The following ALYREF variants were observed in gnomAD, a reference collection of about 807,000 sequenced individuals.
ALYREF encodes Aly/REF export factor.
A neutral mutation model predicts 25.2 loss-of-function variants in ALYREF; 1 was observed. The ratio of observed to expected loss-of-function variants is 0.04; its 90% CI spans 0.01 to 0.19. The LOEUF is 0.19. ALYREF is among the 10% of genes least tolerant of loss of function. The probability of loss-of-function intolerance (pLI) is 1.00; values close to 1 mark genes in which losing one functional copy is unlikely to be tolerated. For synonymous variants in ALYREF, 193 were observed against 153.5 expected, an observed-to-expected ratio of 1.26 and a Z score of -1.90; for missense variants, 328 against 375.6, an observed-to-expected ratio of 0.87 and a Z score of 1.05.
In ALYREF at chr17:81,888,372, C is replaced by CAAA. The variant is rs1220921119; in HGVS notation, c.646_648dup (p.Phe216dup). 7.5e-6 allele frequency: 12 copies of CAAA among 1,602,516 alleles called. No homozygotes were observed. In the South Asian group the frequency reaches 1.1e-4, roughly 15 times the overall value. ...CCTCTCCGGGTGCCTCCACCACCACCAAAACCTCCAGCGCCACGGTTTCTA... is the reference window on the plus strand; with the variant it reads ...CCTCTCCGGGTGCCTCCACCACCACCAAAAAAACCTCCAGCGCCACGGTTTCTA... On this transcript the variant is annotated inframe_insertion, in exon 5 of 6. Transcript: ENST00000505490. This position sits in a 1 kb window ranked among gnomAD's most constrained non-coding sequence, Gnocchi z 5.8.
In ALYREF at chr17:81,888,942, G is replaced by T; in HGVS notation, c.538+240C>A. ...ATGGCGGTTCTGAGAAGGCTTCACA[G>T]AAGTGAATCTTCCGGAAGGAGCTGA... On this transcript the variant is annotated intron_variant, in intron 3 of 5. Coordinates refer to ENST00000505490, the MANE Select transcript of ALYREF (RefSeq NM_005782.4). This position sits in a 1 kb window ranked among gnomAD's most constrained non-coding sequence, Gnocchi z 5.8. The T allele has an allele frequency of 7.1e-7, 1 of 1,415,648 alleles. No homozygotes were observed. 87.7% of individuals were successfully genotyped at this position (1,415,648 alleles called of 1,614,324 possible). A position where few individuals can be genotyped will look rare whatever the true frequency, so the allele number is the denominator to read the frequency against.
chr17:81,890,971 C>A, intron 1 of ALYREF, 151 bp from the exon 2 acceptor site: 1 of 1,231,412 alleles, frequency 8.1e-7, no homozygotes, highest in Non-Finnish European at 1.1e-6. Flanking sequence ...CTGCAGCTGC[C>A]CCAGCCCGAG....
intron 2 of ALYREF, among the ~76,000 whole-genome samples, chr17:81,890,223 T>A (rs981271883): frequency 2.0e-5 from 3 of 152,040 alleles, no homozygotes; most frequent in African/African-American, 7.2e-5. Flanking sequence ...TGGGGAGTGA[T>A]AAAACCACAG....
intron 2 of ALYREF, 80 bp from the exon 3 acceptor site, chr17:81,889,409 CG>C: frequency 6.5e-7 from 1 of 1,531,736 alleles, no homozygotes; most frequent in Non-Finnish European, 9.0e-7. Context: ...GCCCTGGAAG[CG>C]TGAGTTGCTT....
intron 2 of ALYREF, among the ~76,000 whole-genome samples, chr17:81,890,318 G>A (rs1435554107): frequency 1.3e-5 from 2 of 152,134 alleles, no homozygotes; most frequent in Non-Finnish European, 2.9e-5. Context: ...ACATAAAGAA[G>A]ATTCTTTTTC....
intron 1 of ALYREF, 31 bp from the exon 2 acceptor site, chr17:81,890,851 T>A (rs1338086584): frequency 9.3e-6 from 15 of 1,613,812 alleles, no homozygotes; most frequent in Non-Finnish European, 1.3e-5. Context: ...AGAGCAGATC[T>A]GTGAGTCTCA....
Position 81,888,887 on chromosome 17 carries a change from C to T in ALYREF, c.538+295G>A, listed in dbSNP as rs919509602. The T allele has an allele frequency of 1.2e-5, 17 of 1,405,986 alleles. No homozygotes were observed. Among genetic ancestry groups the T allele is most frequent in the Non-Finnish European group, 1.6e-5 (17 of 1,081,712 alleles). The allele number at this position is 1,405,986 out of a possible 1,614,324, so 87.1% of individuals were successfully genotyped here. On this transcript the variant is annotated intron_variant, in intron 3 of 5. Coordinates refer to ENST00000505490, the MANE Select transcript of ALYREF (RefSeq NM_005782.4). This position sits in a 1 kb window ranked among gnomAD's most constrained non-coding sequence, Gnocchi z 5.8. ...AGAAGAACCGGTACCTTTGTCTTTA[C>T]GACTACAGCCCCGCACTCAGAGGTG...
In ALYREF at chr17:81,889,548, T is replaced by C. The variant is rs890639218; in HGVS notation, c.391-219A>G. 2.0e-5 allele frequency among the ~76,000 whole-genome samples: 3 copies of C among 152,170 alleles called. No individual in the cohort carries two copies. In the South Asian group the frequency reaches 6.2e-4, roughly 32 times the overall value. Reference sequence around the variant, plus strand: ...CCTGCCATTGTGGGGACCTGACACGTGTACCACGATGCAGGTAGAGGAAGC... The same window carrying C: ...CCTGCCATTGTGGGGACCTGACACGCGTACCACGATGCAGGTAGAGGAAGC... On this transcript the variant is annotated intron_variant, in intron 2 of 5. Coordinates refer to ENST00000505490, the MANE Select transcript of ALYREF (RefSeq NM_005782.4).
At position 81,888,923 on chromosome 17, in the gene ALYREF, G is replaced by T; in HGVS notation, c.538+259C>A. The T allele has an allele frequency of 7.1e-7, 1 of 1,412,198 alleles. No individual in the cohort carries two copies. The allele number at this position is 1,412,198 out of a possible 1,614,324, so 87.5% of individuals were successfully genotyped here. A position where few individuals can be genotyped will look rare whatever the true frequency, so the allele number is the denominator to read the frequency against. The stretch of plus-strand genomic sequence containing the variant: ...CCGCACTCAGAGGTGTACTATGGCG[G>T]TTCTGAGAAGGCTTCACAGAAGTGA... On this transcript the variant is annotated intron_variant, in intron 3 of 5. Coordinates refer to ENST00000505490, the MANE Select transcript of ALYREF (RefSeq NM_005782.4). The surrounding 1 kb of genome is among the most constrained non-coding windows in gnomAD (Gnocchi z 5.8).
At position 81,891,570 on chromosome 17, in the gene ALYREF, G is replaced by A; in HGVS notation, c.11C>T (p.Ser4Phe). The part of the protein sequence containing the change: MPD[S>F]APAMADKMDM... Reference sequence around the variant, plus strand: ...CATTTTGTCGGCCATGGCGGGCGCGGAATCGGGCATCGGCTCGAGCCCGCG... The same window carrying A: ...CATTTTGTCGGCCATGGCGGGCGCGAAATCGGGCATCGGCTCGAGCCCGCG... The change falls in exon 1 of 6, where the codon TCC (serine) becomes TTC (phenylalanine). Residue 4 changes from serine to phenylalanine, a missense_variant. Ser to Phe is a radical substitution (Grantham distance 155, BLOSUM62 -2). Coordinates refer to ENST00000505490, the MANE Select transcript of ALYREF (RefSeq NM_005782.4). 1.4e-6 allele frequency: 2 copies of A among 1,439,210 alleles called. No individual in the cohort carries two copies. Among genetic ancestry groups the A allele is most frequent in the Non-Finnish European group, 1.8e-6 (2 of 1,095,330 alleles). The allele number at this position is 1,439,210 out of a possible 1,614,324, so 89.2% of individuals were successfully genotyped here.
chr17:81,887,931 CG>C lies in ALYREF; in HGVS notation c.*199del, dbSNP rs1355063695. 6.9e-6 allele frequency: 4 copies of C among 576,564 alleles called. No individual in the cohort carries two copies. The highest frequency in any genetic ancestry group is 3.1e-5 in the East Asian group (1 of 32,126). The allele number at this position is 576,564 out of a possible 1,614,324, so 35.7% of individuals were successfully genotyped here. On this transcript the variant is annotated 3_prime_UTR_variant, in exon 6 of 6. Transcript: ENST00000505490. ...AGTAAAATTTATCCCAAAAATAACT[CG>C]GTACAAAACAGGTCTGTTTCAGAAT...
chr17:81,890,608 G>A (rs779181882), intron 2 of ALYREF, 81 bp downstream of exon 2: 3 of 1,572,374 alleles, frequency 1.9e-6, no homozygotes, highest in Non-Finnish European at 2.6e-6. Flanking sequence ...AAGGCGGGAA[G>A]GGGACTCAGG....
intron 1 of ALYREF, 109 bp from the exon 2 acceptor site, chr17:81,890,929 C>T: frequency 6.6e-7 from 1 of 1,513,002 alleles, no homozygotes; most frequent in Non-Finnish European, 8.9e-7. Context: ...GAGGATCCGG[C>T]CGAAACGGGG....
chr17:81,889,564 T>C (rs904367043), intron 2 of ALYREF, among the ~76,000 whole-genome samples: 2 of 152,108 alleles, frequency 1.3e-5, no homozygotes, highest in African/African-American at 2.4e-5. Flanking sequence ...ACGATGCAGG[T>C]AGAGGAAGCT....
intron 2 of ALYREF, chr17:81,889,757 TC>T (rs761354822): frequency 2.1e-4 from 35 of 169,152 alleles, no homozygotes; most frequent in Non-Finnish European, 3.5e-4. Context: ...CCCCAGCCCC[TC>T]CCCCAAAGGC....
In ALYREF at chr17:81,888,139, T is replaced by C. The variant is rs1463209588; in HGVS notation, c.787A>G (p.Thr263Ala). 3.7e-6 allele frequency: 6 copies of C among 1,613,994 alleles called. No homozygotes were observed. The highest frequency in any genetic ancestry group is 5.1e-6 in the Non-Finnish European group (6 of 1,180,022). ...CGGATTTGCTGGTCTGTTTAACTGG[T>C]GTCCATCTGAAACACAGAGGAGAAA... ...QLDAYNARMDTS is the reference protein window; with the variant it reads ...QLDAYNARMDAS The change falls in exon 6 of 6, where the codon ACC (threonine) becomes GCC (alanine). Residue 263 changes from threonine (T) to alanine (A), a missense_variant. Physicochemically the swap from Thr to Ala is moderately conservative, Grantham distance 58. This residue lies in a region of ALYREF where 108 missense variants were observed against 110.5 expected (regional missense o/e 0.98). Coordinates refer to ENST00000505490, the MANE Select transcript of ALYREF (RefSeq NM_005782.4). The surrounding 1 kb of genome is among the most constrained non-coding windows in gnomAD (Gnocchi z 5.8).
chr17:81,888,371 C>T lies in ALYREF; in HGVS notation c.650G>A (p.Gly217Asp). ...GCCTCTCCGGGTGCCTCCACCACCA[C>T]CAAAACCTCCAGCGCCACGGTTTCT... ...MTRNRGAGGF[G>D]GGGGTRRGTR... is the part of the protein sequence containing the mutation. The change falls in exon 5 of 6, where the codon GGT becomes GAT. Residue 217 changes from glycine to aspartate, a missense_variant. Gly to Asp is a moderately conservative substitution (Grantham distance 94, BLOSUM62 -1). Coordinates refer to ENST00000505490, the MANE Select transcript of ALYREF (RefSeq NM_005782.4). This position sits in a 1 kb window ranked among gnomAD's most constrained non-coding sequence, Gnocchi z 5.8. 1.9e-6 allele frequency: 3 copies of T among 1,602,536 alleles called. No homozygotes were observed. Among genetic ancestry groups the T allele is most frequent in the Non-Finnish European group, 2.5e-6 (3 of 1,177,144 alleles).
At position 81,888,201 on chromosome 17, in the gene ALYREF, G is replaced by A. The variant is rs753516598; in HGVS notation, c.780+40C>T. On this transcript the variant is annotated intron_variant, in intron 5 of 5. Coordinates refer to ENST00000505490, the MANE Select transcript of ALYREF (RefSeq NM_005782.4). This position sits in a 1 kb window ranked among gnomAD's most constrained non-coding sequence, Gnocchi z 5.8. ...TCACAGGCGGCCTGCTCCCCACTGC[G>A]GCTTTGACCAGGCCCCCAGCTGGCT... 41 of 1,613,894 alleles carry A rather than the reference G, an allele frequency of 2.5e-5. 3 individuals carry two copies. In the Admixed American group the frequency reaches 3.3e-4, roughly 13 times the overall value.
At position 81,888,330 on chromosome 17, in the gene ALYREF, G is replaced by A; in HGVS notation, c.691C>T (p.Arg231Cys). 4 of 1,605,936 alleles carry A rather than the reference G, an allele frequency of 2.5e-6. No homozygotes were observed. Among genetic ancestry groups the A allele is most frequent in the South Asian group, 2.2e-5 (2 of 90,928 alleles). The change falls in exon 5 of 6, where the codon CGT becomes TGT. Residue 231 changes from arginine (R) to cysteine (C), a missense_variant. Coordinates refer to ENST00000505490, the MANE Select transcript of ALYREF (RefSeq NM_005782.4). This position sits in a 1 kb window ranked among gnomAD's most constrained non-coding sequence, Gnocchi z 5.8. ...CTGCCGGCACCTCTGCCTCTTCCAC[G>A]GGCGCCTCCGCGGGTGCCTCTCCGG... ...GTRRGTRGGA[R>C]GRGRGAGRNS...
Sources: allele counts gnomAD v4.1 joint callset (sites outside exome capture counted in the v4.1 genomes callset), GRCh38; gene constraint gnomAD v4.1.1; regional missense constraint gnomAD v4.1.1; non-coding constraint Gnocchi (gnomAD v3.1); transcripts MANE v1.5; gene names NCBI Gene and HGNC (gene_info 2026-07-23, HGNC 2026-07-21).